The following FAM227A variants were observed in gnomAD, a reference collection of about 807,000 sequenced individuals.
FAM227A encodes the protein protein FAM227A.
FAM227A carries 80 observed loss-of-function variants against 74.7 expected under a neutral mutation model. The ratio of observed to expected loss-of-function variants is 1.07; its 90% CI spans 0.89 to 1.29. FAM227A has a LOEUF of 1.29. FAM227A is among the 50% of genes most tolerant of loss of function. FAM227A has a pLI of 0.00. For synonymous variants in FAM227A, 237 were observed against 241.8 expected, an observed-to-expected ratio of 0.98 and a Z score of 0.19; for missense variants, 654 against 683.4, an observed-to-expected ratio of 0.96 and a Z score of 0.48.
intron 15 of FAM227A, among the ~76,000 whole-genome samples, chr22:38,592,852 AT>A (rs1215169405): frequency 6.6e-6 from 1 of 152,230 alleles, no homozygotes; most frequent in Non-Finnish European, 1.5e-5. Flanking sequence ...ACCTTAATTT[AT>A]TTGATCAATA....
intron 10 of FAM227A, among the ~76,000 whole-genome samples, chr22:38,621,049 T>C (rs2091678545): frequency 6.6e-6 from 1 of 150,602 alleles, no homozygotes; most frequent in Non-Finnish European, 1.5e-5. Flanking sequence ...AAAAACTCCC[T>C]GAGTCGGCCG....
chr22:38,639,717 T>C lies in FAM227A; in HGVS notation c.233A>G (p.Glu78Gly), dbSNP rs1454764502. 6.5e-6 allele frequency: 10 copies of C among 1,550,182 alleles called. No homozygotes were observed. Among genetic ancestry groups the C allele is most frequent in the Admixed American group, 2.0e-5 (1 of 50,990 alleles). ...TEPSANSLAIERFELEKKALR... is the reference protein window; with the variant it reads ...TEPSANSLAIGRFELEKKALR... ...AGCCTTCTTCTCCAACTCAAATCTC[T>C]CAATTGCCTTCAAAAACCAAGAAAA... Residue 78 changes from glutamate (E) to glycine (G), a missense_variant, in exon 4 of 17, where the codon GAG becomes GGG. Transcript: ENST00000535113.
At chr22:38,607,613 T>G in intron 11 of FAM227A, 137 bp from the exon 12 acceptor site, 1 of 676,840 alleles carries the variant, frequency 1.5e-6, no homozygotes, top group Non-Finnish European at 2.6e-6. Context: ...CAAAGGAACA[T>G]GCAGAACGAG....
chr22:38,629,967 G>A (rs1313086062), intron 6 of FAM227A, among the ~76,000 whole-genome samples: 3 of 133,976 alleles, frequency 2.2e-5, no homozygotes, highest in African/African-American at 8.6e-5. Flanking sequence ...TTTACCATCA[G>A]GAAGCGTGCC....
chr22:38,596,444 G>A (rs145737592), intron 15 of FAM227A, among the ~76,000 whole-genome samples: 175 of 152,334 alleles, frequency 1.1e-3, no homozygotes, highest in African/African-American at 3.1e-3. Context: ...TCCAGAGGAG[G>A]CTAAGGAAGG....
At position 38,605,457 on chromosome 22, in the gene FAM227A, A is replaced by G. The variant is rs1269845446; in HGVS notation, c.1127-109T>C. ...GGTGTGTGCCACCGCACCCAGTTAAATTTTGTAGTTTTAGTAGAAACGGGG... is the reference window on the plus strand; with the variant it reads ...GGTGTGTGCCACCGCACCCAGTTAAGTTTTGTAGTTTTAGTAGAAACGGGG... On this transcript the variant is annotated intron_variant, in intron 12 of 16. Coordinates refer to ENST00000535113, the MANE Select transcript of FAM227A (RefSeq NM_001013647.2). 4 of 657,026 alleles carry G rather than the reference A, an allele frequency of 6.1e-6. No individual in the cohort carries two copies. The Admixed American group carries it at 8.1e-5, about 13-fold the overall frequency. The allele number at this position is 657,026 out of a possible 1,614,324, so 40.7% of individuals were successfully genotyped here.
intron 16 of FAM227A, among the ~76,000 whole-genome samples, chr22:38,586,693 G>A (rs767310601): frequency 5.9e-5 from 9 of 151,924 alleles, no homozygotes; most frequent in Non-Finnish European, 1.0e-4. Flanking sequence ...TTTTTGGGAC[G>A]GAGTATCGCT....
chr22:38,602,800 C>T lies in FAM227A; in HGVS notation c.1221+2454G>A, dbSNP rs111639669. On this transcript the variant is annotated intron_variant, in intron 13 of 16. Coordinates refer to ENST00000535113, the MANE Select transcript of FAM227A (RefSeq NM_001013647.2). ...AGCGTCCTTCCCCTTTCCTAACAGC[C>T]CCTGACTCTGGTGTGTTTTTGAGGG... Among the ~76,000 whole-genome samples, 733 of 152,266 alleles carry T rather than the reference C, an allele frequency of 4.8e-3. 9 individuals carry two copies. Among genetic ancestry groups the T allele is most frequent in the African/African-American group, 0.017 (688 of 41,546 alleles).
intron 10 of FAM227A, 33 bp from the exon 11 acceptor site, chr22:38,620,324 C>A: frequency 6.8e-7 from 1 of 1,478,216 alleles, no homozygotes; most frequent in South Asian, 1.2e-5. Flanking sequence ...ATTAATTCCT[C>A]TTGTCATGGG....
At chr22:38,618,955 T>G (rs1472008292) in intron 11 of FAM227A, among the ~76,000 whole-genome samples, 4 of 151,814 alleles carry the variant, frequency 2.6e-5, no homozygotes, top group Admixed American at 6.6e-5. Context: ...CTGGGATTTT[T>G]TTTTCCAGCT....
chr22:38,601,953 G>T (rs557779072), intron 13 of FAM227A, among the ~76,000 whole-genome samples: 1 of 152,118 alleles, frequency 6.6e-6, no homozygotes, highest in African/African-American at 2.4e-5. Context: ...AACAGGCTGG[G>T]GCCAAGAATG....
chr22:38,584,818 C>CA lies in FAM227A; in HGVS notation c.*1306dup, dbSNP rs1333079728. 10 of 152,000 alleles carry CA rather than the reference C, an allele frequency of 6.6e-5. No homozygotes were observed. Among genetic ancestry groups the CA allele is most frequent in the African/African-American group, 2.4e-4 (10 of 41,460 alleles). The allele number at this position is 152,000 out of a possible 1,614,324, so 9.4% of individuals were successfully genotyped here. A position where few individuals can be genotyped will look rare whatever the true frequency, so the allele number is the denominator to read the frequency against. ...AATTAAAAAAAATTTTTTTTTGAGACAGAGTTTCGCTCTTGTTGCCCAGGC... is the reference window on the plus strand; with the variant it reads ...AATTAAAAAAAATTTTTTTTTGAGACAAGAGTTTCGCTCTTGTTGCCCAGGC... On this transcript the variant is annotated 3_prime_UTR_variant, in exon 17 of 17. Transcript: ENST00000535113.
intron 14 of FAM227A, among the ~76,000 whole-genome samples, chr22:38,599,177 G>C (rs906628083): frequency 6.6e-5 from 10 of 151,960 alleles, no homozygotes; most frequent in Non-Finnish European, 1.2e-4. Flanking sequence ...GGCCAGGCTG[G>C]TCTCAAACTC....
chr22:38,647,975 C>T (rs2092267232), intron 2 of FAM227A, among the ~76,000 whole-genome samples: 1 of 152,148 alleles, frequency 6.6e-6, no homozygotes, highest in Non-Finnish European at 1.5e-5. Context: ...TTAAGAAGGG[C>T]TTCTGAGAGG....
Position 38,649,840 on chromosome 22 carries a change from C to G in FAM227A, c.142+187G>C, listed in dbSNP as rs1187916530. On this transcript the variant is annotated intron_variant, in intron 2 of 16. Coordinates refer to ENST00000535113, the MANE Select transcript of FAM227A (RefSeq NM_001013647.2). ...CTGGGACTGTGCCACTGCACTCCAG[C>G]CTGGGTAACAGTGTGAAACTCCATC... 5.4e-6 allele frequency: 3 copies of G among 557,328 alleles called. No homozygotes were observed. The East Asian group carries it at 9.8e-5, about 18-fold the overall frequency. 34.5% of individuals were successfully genotyped at this position (557,328 alleles called of 1,614,324 possible).
In FAM227A at chr22:38,631,160, T is replaced by A. The variant is rs2091907954; in HGVS notation, c.520-2225A>T. Among the ~76,000 whole-genome samples the A allele has an allele frequency of 2.6e-5, 4 of 152,026 alleles. No homozygotes were observed. The South Asian group carries it at 6.2e-4, about 24-fold the overall frequency. ...TCCAGCCTGGGCGACAGAGCGAGTGTCTTACTCAAAAAAACAAAACAAAAC... is the reference window on the plus strand; with the variant it reads ...TCCAGCCTGGGCGACAGAGCGAGTGACTTACTCAAAAAAACAAAACAAAAC... On this transcript the variant is annotated intron_variant, in intron 6 of 16. Transcript: ENST00000535113.
intron 3 of FAM227A, among the ~76,000 whole-genome samples, chr22:38,644,159 A>AG (rs1352898008): frequency 6.6e-6 from 1 of 151,722 alleles, no homozygotes; most frequent in Non-Finnish European, 1.5e-5. Context: ...AAAAAAAAAA[A>AG]AAAAAAAAAG....
chr22:38,635,001 C>G (rs1215986661), intron 6 of FAM227A, among the ~76,000 whole-genome samples: 3 of 152,100 alleles, frequency 2.0e-5, no homozygotes, highest in Non-Finnish European at 4.4e-5. Context: ...AATCCCAGCA[C>G]TTTGGGAGGC....
rs2090753460 is a variant in FAM227A, at chr22:38,583,854, AT to A, written c.*2270del. 6.6e-6 allele frequency: 1 copy of A among 152,260 alleles called. No individual in the cohort carries two copies. The allele number at this position is 152,260 out of a possible 1,614,324, so 9.4% of individuals were successfully genotyped here. Reference sequence around the variant, plus strand: ...GATGTGTGTCTGAGGGATGAGCTACATTTCCCAAGATCTGCTTATCTGCTGC... The same window carrying A: ...GATGTGTGTCTGAGGGATGAGCTACATTCCCAAGATCTGCTTATCTGCTGC... On this transcript the variant is annotated 3_prime_UTR_variant, in exon 17 of 17. Transcript: ENST00000535113.
Sources: gnomAD v4.1 joint callset for allele counts (sites outside exome capture counted in the v4.1 genomes callset) on GRCh38, gnomAD v4.1.1 for gene constraint, MANE v1.5 for transcripts, NCBI Gene and HGNC (gene_info 2026-07-23, HGNC 2026-07-21) for gene names.